CELF2: variants seen among roughly 807,000 people sequenced by gnomAD.
CELF2 encodes CUGBP Elav-like family member 2, also known as CUG triplet repeat RNA-binding protein 2.
A neutral mutation model predicts 62.6 loss-of-function variants in CELF2; 8 were observed. The observed-to-expected ratio is 0.13, with a 90% CI of 0.07 to 0.23. CELF2 has a LOEUF of 0.23. Ranked by LOEUF, CELF2 falls within the 10% of genes least tolerant of loss-of-function variation. The pLI is 1.00. For missense variants in CELF2, 333 were observed against 671.0 expected (o/e 0.50, Z 5.56); for synonymous variants, 258 against 250.0 (o/e 1.03, Z -0.30).
rs1554936315 is a variant in CELF2, at chr10:11,197,025, A to AAAGAAAGAAAGAAAGAAGGAAAGAAGG, written c.272-20398_272-20397insGAAAGAAAGAAAGAAGGAAAGAAGGAA. On this transcript the variant is annotated intron_variant, in intron 2 of 12. Coordinates refer to ENST00000633077, the MANE Select transcript of CELF2 (RefSeq NM_001326342.2). ...AGGAGAAAGAAAGAAAGAAAGAAAG[A>AAAGAAAGAAAGAAAGAAGGAAAGAAGG]AAAGAAAGAAAGAAAGAAAGAAAGA... is the stretch of plus-strand genomic sequence containing the variant. 2.7e-4 allele frequency among the ~76,000 whole-genome samples: 7 copies of AAAGAAAGAAAGAAAGAAGGAAAGAAGG among 26,048 alleles called. 2 individuals are homozygous for AAAGAAAGAAAGAAAGAAGGAAAGAAGG. Among genetic ancestry groups the AAAGAAAGAAAGAAAGAAGGAAAGAAGG allele is most frequent in the African/African-American group, 9.0e-4 (5 of 5,570 alleles). 17.1% of individuals were successfully genotyped at this position (26,048 alleles called of 152,430 possible). A position where few individuals can be genotyped will look rare whatever the true frequency, so the allele number is the denominator to read the frequency against.
chr10:11,107,237 G>A (rs973970253), intron 1 of CELF2, among the ~76,000 whole-genome samples: 1 of 152,138 alleles, frequency 6.6e-6, no homozygotes, highest in Admixed American at 6.5e-5. Flanking sequence ...TTGGGAAGGG[G>A]GCTGGGGGGC....
chr10:11,202,828 A>G (rs1230392370), intron 2 of CELF2, among the ~76,000 whole-genome samples: 3 of 150,780 alleles, frequency 2.0e-5, no homozygotes, highest in East Asian at 2.0e-4. Context: ...CCTATAAACC[A>G]TCTCGTTGCC....
At chr10:10,864,672 C>A (rs1453877377) in intron 1 of CELF2, among the ~76,000 whole-genome samples, 2 of 152,116 alleles carry the variant, frequency 1.3e-5, no homozygotes, top group East Asian at 3.9e-4. Context: ...GAACTCCACT[C>A]TCCGTACCTC....
rs2093232864 is a variant in CELF2 at position 11,296,772 on chromosome 10, A to C, written c.976+8220A>C. ...GACAGGAGAGATTCTGCCCCAAGGAAGTAAGGGAAATTTTAGTAGAAGAGT... is the reference window on the plus strand; with the variant it reads ...GACAGGAGAGATTCTGCCCCAAGGACGTAAGGGAAATTTTAGTAGAAGAGT... On this transcript the variant is annotated intron_variant, in intron 9 of 12. Coordinates refer to ENST00000633077, the MANE Select transcript of CELF2 (RefSeq NM_001326342.2). The surrounding 1 kb of genome is among the most constrained non-coding windows in gnomAD (Gnocchi z 5.0). Among the ~76,000 whole-genome samples the C allele has an allele frequency of 6.6e-6, 1 of 152,220 alleles. No individual in the cohort carries two copies. The highest frequency in any genetic ancestry group is 2.4e-5 in the African/African-American group (1 of 41,458).
At chr10:10,556,591 C>A in the CELF2 span, among the ~76,000 whole-genome samples, 1 of 152,136 alleles carries the variant, frequency 6.6e-6, no homozygotes, top group East Asian at 1.9e-4. Context: ...AGTTCTAGAT[C>A]CCTGAGGAGT....
chr10:11,283,856 TGTGTGGTGGGTGGATGATGGATGGAGG>T (rs2089943275), intron 8 of CELF2, among the ~76,000 whole-genome samples: 1 of 133,882 alleles, frequency 7.5e-6, no homozygotes, highest in Non-Finnish European at 1.6e-5. Context: ...GAGGGATGAG[TGTGTGGTGGGTGGATGATGGATGGAGG>T]GGTGGGTGGA....
chr10:10,525,959 C>G, the CELF2 span, among the ~76,000 whole-genome samples: 2 of 152,206 alleles, frequency 1.3e-5, no homozygotes, highest in African/African-American at 4.8e-5. Flanking sequence ...TACAATGGCT[C>G]TCTTGATTCT....
intron 8 of CELF2, among the ~76,000 whole-genome samples, chr10:11,279,701 T>G (rs2087565120): frequency 6.6e-6 from 1 of 152,224 alleles, no homozygotes; most frequent in Non-Finnish European, 1.5e-5. Flanking sequence ...TTACCTAAGG[T>G]GAACATTAAA....
At chr10:11,032,187 A>G (rs1360885779) in intron 1 of CELF2, among the ~76,000 whole-genome samples, 1 of 139,572 alleles carries the variant, frequency 7.2e-6, no homozygotes, top group Non-Finnish European at 1.6e-5. Flanking sequence ...TCCAGGGGCC[A>G]CCCACTACAT....
chr10:10,761,176 A>G, the CELF2 span, among the ~76,000 whole-genome samples: 1 of 152,208 alleles, frequency 6.6e-6, no homozygotes, highest in African/African-American at 2.4e-5. Flanking sequence ...AATACCTCAA[A>G]ATGGGTGTTG....
chr10:10,939,414 T>C (rs1219328903), intron 2 of CELF2, among the ~76,000 whole-genome samples: 1 of 151,984 alleles, frequency 6.6e-6, no homozygotes, highest in Non-Finnish European at 1.5e-5. Flanking sequence ...GCCTCCCAAG[T>C]AGCTGGGATT....
In CELF2 at chr10:11,244,303, TCCCTC is replaced by T. The variant is rs2074938779; in HGVS notation, c.355-4849_355-4845del. ...TGAAATTGTCCAGCCTATGAACATA[TCCCTC>T]ACTGTTAGTCTTGTGCTTTAGGTGT... On this transcript the variant is annotated intron_variant, in intron 3 of 12. Coordinates refer to ENST00000633077, the MANE Select transcript of CELF2 (RefSeq NM_001326342.2). This position sits in a 1 kb window ranked among gnomAD's most constrained non-coding sequence, Gnocchi z 4.2. Among the ~76,000 whole-genome samples, 1 of 152,236 alleles carries T rather than the reference TCCCTC, an allele frequency of 6.6e-6. No homozygotes were observed. Among genetic ancestry groups the T allele is most frequent in the Admixed American group, 6.5e-5 (1 of 15,288 alleles).
At chr10:10,747,225 C>A in the CELF2 span, among the ~76,000 whole-genome samples, 1 of 152,194 alleles carries the variant, frequency 6.6e-6, no homozygotes, top group African/African-American at 2.4e-5. Flanking sequence ...CCTACCCACA[C>A]TGGGGTGATA....
chr10:10,696,613 C>T, the CELF2 span, among the ~76,000 whole-genome samples: 5 of 151,994 alleles, frequency 3.3e-5, no homozygotes, highest in African/African-American at 9.7e-5. Flanking sequence ...TCGCTGCGGC[C>T]TTGCAGTTTG....
At chr10:10,718,186 C>T in the CELF2 span, among the ~76,000 whole-genome samples, 2 of 152,162 alleles carry the variant, frequency 1.3e-5, no homozygotes, top group Admixed American at 6.5e-5. Flanking sequence ...TGCATAAACA[C>T]ATCTGAGAGC....
chr10:11,172,048 A>C (rs1296582100), intron 2 of CELF2, among the ~76,000 whole-genome samples: 3 of 152,248 alleles, frequency 2.0e-5, no homozygotes, highest in Non-Finnish European at 4.4e-5. Context: ...GAAAGAATTC[A>C]AACTGCAGGA....
At chr10:11,154,555 G>A (rs568191076) in intron 1 of CELF2, among the ~76,000 whole-genome samples, 17 of 152,328 alleles carry the variant, frequency 1.1e-4, no homozygotes, top group African/African-American at 4.1e-4. Context: ...TGTCAGAGAG[G>A]CGCACGTTTG....
At chr10:10,959,956 A>T (rs925412387) in intron 2 of CELF2, among the ~76,000 whole-genome samples, 2 of 152,242 alleles carry the variant, frequency 1.3e-5, no homozygotes. Flanking sequence ...ATTTGCATCA[A>T]CATGCTTTTA....
intron 1 of CELF2, among the ~76,000 whole-genome samples, chr10:11,088,794 T>C (rs1260163821): frequency 6.6e-6 from 1 of 152,184 alleles, no homozygotes; most frequent in East Asian, 1.9e-4. Context: ...TGTCTGACAA[T>C]GTCTGGGAGC....
Sources: gnomAD v4.1 joint callset for allele counts (sites outside exome capture counted in the v4.1 genomes callset) on GRCh38, gnomAD v4.1.1 for gene constraint, Gnocchi (gnomAD v3.1) non-coding constraint, MANE v1.5 for transcripts, NCBI Gene and HGNC (gene_info 2026-07-23, HGNC 2026-07-21) for gene names.